Variants in GABRG3 observed in about 807,000 individuals in gnomAD.
GABRG3 encodes the protein gamma-aminobutyric acid type A receptor subunit gamma3.
Under a neutral mutation model 48.8 loss-of-function variants are expected in GABRG3, and 25 were observed. That is an observed-to-expected ratio of 0.51 (90% CI 0.37 to 0.72). The LOEUF is 0.72. Among genes scored for constraint, GABRG3 ranks in the 30% least tolerant of loss-of-function variants. GABRG3 has a pLI of 0.00. For missense variants in GABRG3, 394 were observed against 577.9 expected (o/e 0.68, Z 3.26); for synonymous variants, 227 against 217.6 (o/e 1.04, Z -0.38).
chr15:27,271,362 T>C (rs1451768703), intron 3 of GABRG3, among the ~76,000 whole-genome samples: 1 of 152,224 alleles, frequency 6.6e-6, no homozygotes, highest in Non-Finnish European at 1.5e-5. Flanking sequence ...CCACCCGCAC[T>C]CTGTCCTCCT....
intron 7 of GABRG3, among the ~76,000 whole-genome samples, chr15:27,525,805 G>A (rs1045884428): frequency 1.3e-5 from 2 of 151,854 alleles, no homozygotes; most frequent in African/African-American, 4.8e-5. Flanking sequence ...TGGCTGCATA[G>A]TATTCCCTGG....
Position 26,976,185 on chromosome 15 carries a change from A to G in GABRG3, c.54-817A>G, listed in dbSNP as rs565548905. 2.0e-5 allele frequency among the ~76,000 whole-genome samples: 3 copies of G among 152,016 alleles called. No individual in the cohort carries two copies. The East Asian group carries it at 5.8e-4, about 29-fold the overall frequency. On this transcript the variant is annotated intron_variant, in intron 1 of 9. Coordinates refer to ENST00000615808, the MANE Select transcript of GABRG3 (RefSeq NM_033223.5). This position sits in a 1 kb window ranked among gnomAD's most constrained non-coding sequence, Gnocchi z 7.8. The stretch of plus-strand genomic sequence containing the variant: ...GCCTCTCCATTCAGGCACTCCTGTC[A>G]GTGTGTGTCACACGGGAGAGGAGGC...
intron 3 of GABRG3, among the ~76,000 whole-genome samples, chr15:27,211,257 G>A (rs1029190751): frequency 1.3e-4 from 20 of 152,170 alleles, no homozygotes; most frequent in South Asian, 6.2e-4. Flanking sequence ...GCAGTGCCAT[G>A]ATTTATTATT....
intron 5 of GABRG3, among the ~76,000 whole-genome samples, chr15:27,435,993 T>A (rs1888597574): frequency 6.6e-6 from 1 of 152,152 alleles, no homozygotes; most frequent in Admixed American, 6.6e-5. Context: ...ACTAGCATAG[T>A]GCGGTAGAGA....
intron 3 of GABRG3, among the ~76,000 whole-genome samples, chr15:27,185,015 T>G (rs1356009599): frequency 1.3e-5 from 2 of 152,198 alleles, no homozygotes; most frequent in Non-Finnish European, 2.9e-5. Context: ...CTCTATTGTT[T>G]TCTATTTTCA....
At chr15:26,993,443 T>C (rs1459504238) in intron 2 of GABRG3, among the ~76,000 whole-genome samples, 1 of 152,114 alleles carries the variant, frequency 6.6e-6, no homozygotes, top group Admixed American at 6.5e-5. Context: ...TCAATTTTCT[T>C]CTTAATTTCC....
chr15:27,530,344 A>T (rs1268455071), intron 9 of GABRG3, among the ~76,000 whole-genome samples: 2 of 152,142 alleles, frequency 1.3e-5, no homozygotes, highest in African/African-American at 2.4e-5. Flanking sequence ...GCCAAAGAGG[A>T]CTTTGGGAAT....
At chr15:27,117,606 T>C (rs1458822174) in intron 3 of GABRG3, among the ~76,000 whole-genome samples, 1 of 152,208 alleles carries the variant, frequency 6.6e-6, no homozygotes, top group African/African-American at 2.4e-5. Context: ...AGGGGTGAGG[T>C]GTTCTTCAGA....
intron 3 of GABRG3, among the ~76,000 whole-genome samples, chr15:27,172,335 C>T (rs1887599699): frequency 6.6e-6 from 1 of 152,096 alleles, no homozygotes; most frequent in Admixed American, 6.6e-5. Flanking sequence ...CTCCTTAGTT[C>T]TTAGTGTGCT....
intron 5 of GABRG3, among the ~76,000 whole-genome samples, chr15:27,345,963 G>C (rs886779969): frequency 1.3e-5 from 2 of 150,994 alleles, no homozygotes; most frequent in African/African-American, 4.9e-5. Context: ...TGAGGCACAA[G>C]AATCACTTGG....
At chr15:27,397,395 AT>A (rs1288619969) in intron 5 of GABRG3, among the ~76,000 whole-genome samples, 3 of 152,238 alleles carry the variant, frequency 2.0e-5, no homozygotes, top group African/African-American at 7.2e-5. Context: ...ATATTTTCTG[AT>A]TTGCCGTGTC....
intron 3 of GABRG3, among the ~76,000 whole-genome samples, chr15:27,265,153 C>T (rs1236388085): frequency 6.6e-6 from 1 of 152,090 alleles, no homozygotes; most frequent in Non-Finnish European, 1.5e-5. Flanking sequence ...GCCCCTCCTC[C>T]ATTTTACCAA....
chr15:27,467,048 C>G (rs112183178), intron 5 of GABRG3, among the ~76,000 whole-genome samples: 1 of 152,232 alleles, frequency 6.6e-6, no homozygotes, highest in African/African-American at 2.4e-5. Flanking sequence ...ATAACAAAAA[C>G]CCAAAAACTG....
chr15:27,282,066 C>T (rs1356217039), intron 3 of GABRG3, among the ~76,000 whole-genome samples: 1 of 152,164 alleles, frequency 6.6e-6, no homozygotes, highest in Non-Finnish European at 1.5e-5. Flanking sequence ...TTCTGGCCTT[C>T]GTGTTTCTGA....
intron 4 of GABRG3, among the ~76,000 whole-genome samples, chr15:27,328,246 G>A (rs962891698): frequency 1.3e-5 from 2 of 151,450 alleles, no homozygotes; most frequent in Non-Finnish European, 2.9e-5. Flanking sequence ...ACTCTGACAT[G>A]ACACGGAACT....
At chr15:27,309,580 T>C (rs1892927841) in intron 3 of GABRG3, among the ~76,000 whole-genome samples, 2 of 152,042 alleles carry the variant, frequency 1.3e-5, no homozygotes, top group Admixed American at 1.3e-4. Context: ...TTTAACATTC[T>C]TAGCTGTTAG....
At chr15:27,500,990 T>TC (rs1249383262) in intron 6 of GABRG3, among the ~76,000 whole-genome samples, 5 of 147,608 alleles carry the variant, frequency 3.4e-5, no homozygotes, top group South Asian at 2.2e-4. Context: ...TCTCACTCTG[T>TC]CCCCAGGCTG....
chr15:27,514,950 G>A (rs1412390889), intron 6 of GABRG3, among the ~76,000 whole-genome samples: 2 of 152,172 alleles, frequency 1.3e-5, no homozygotes, highest in Non-Finnish European at 2.9e-5. Context: ...CAAAACTTGT[G>A]TAAGGGAACT....
intron 2 of GABRG3, 97 bp from the exon 3 acceptor site, chr15:27,026,657 C>A: frequency 1.4e-6 from 1 of 705,136 alleles, no homozygotes; most frequent in Non-Finnish European, 2.3e-6. Context: ...TCCACCATGT[C>A]CTTGTGATGC....
Sources: gnomAD v4.1 joint callset for allele counts (sites outside exome capture counted in the v4.1 genomes callset) on GRCh38, gnomAD v4.1.1 for gene constraint, Gnocchi (gnomAD v3.1) non-coding constraint, MANE v1.5 for transcripts, NCBI Gene and HGNC (gene_info 2026-07-23, HGNC 2026-07-21) for gene names.